Variants in AFP observed in about 807,000 individuals in gnomAD.
AFP encodes alpha-fetoprotein.
Under a neutral mutation model 78.9 loss-of-function variants are expected in AFP, and 64 were observed. The observed-to-expected ratio is 0.81, with a 90% CI of 0.66 to 1.00. The LOEUF is 1.00. Ranked by LOEUF, AFP falls within the 50% of genes least tolerant of loss-of-function variation. The pLI is 0.00. For missense variants in AFP, 689 were observed against 703.8 expected, an observed-to-expected ratio of 0.98 and a Z score of 0.24; for synonymous variants, 254 against 243.8, an observed-to-expected ratio of 1.04 and a Z score of -0.39.
chr4:73,449,827 C>G (rs1455121310), intron 9 of AFP, among the ~76,000 whole-genome samples: 4 of 152,096 alleles, frequency 2.6e-5, no homozygotes, highest in Admixed American at 2.6e-4. Flanking sequence ...TTGAGTTTTG[C>G]CATTAAATGA....
At chr4:73,452,170 A>G (rs1163714854) in intron 11 of AFP, among the ~76,000 whole-genome samples, 1 of 152,226 alleles carries the variant, frequency 6.6e-6, no homozygotes, top group Non-Finnish European at 1.5e-5. Context: ...ACTATCCTCA[A>G]CATCACATAT....
At chr4:73,441,227 A>AG (rs1318672834) in intron 4 of AFP, among the ~76,000 whole-genome samples, 1 of 152,146 alleles carries the variant, frequency 6.6e-6, no homozygotes, top group Non-Finnish European at 1.5e-5. Context: ...AGCATGGTCA[A>AG]GCATGGTCAA....
intron 6 of AFP, among the ~76,000 whole-genome samples, chr4:73,444,519 C>A (rs1719763495): frequency 1.3e-5 from 2 of 152,100 alleles, no homozygotes; most frequent in South Asian, 2.1e-4. Context: ...CACTGGTATG[C>A]CTGAAATGTT....
intron 2 of AFP, among the ~76,000 whole-genome samples, 175 bp downstream of exon 2, chr4:73,437,386 CTAA>C (rs1719538558): frequency 1.3e-5 from 2 of 152,024 alleles, no homozygotes; most frequent in South Asian, 4.1e-4. Flanking sequence ...AAACTGTTGA[CTAA>C]TGTCTTCGAC....
chr4:73,447,777 T>A, intron 8 of AFP, 101 bp downstream of exon 8: 2 of 994,850 alleles, frequency 2.0e-6, no homozygotes, highest in South Asian at 2.8e-5. Flanking sequence ...GGTTTTTGAG[T>A]TCAATATGTG....
chr4:73,455,396 A>G, intron 14 of AFP, 106 bp downstream of exon 14: 1 of 970,064 alleles, frequency 1.0e-6, no homozygotes, highest in South Asian at 1.4e-5. Flanking sequence ...TTAAAAATAC[A>G]TGGAATTCAA....
At position 73,447,497 on chromosome 4, in the gene AFP, C is replaced by T; in HGVS notation, c.879C>T (p.Asp293=). 6.2e-7 allele frequency: 1 copy of T among 1,611,874 alleles called. No individual in the cohort carries two copies. Among genetic ancestry groups the T allele is most frequent in the Non-Finnish European group, 8.5e-7 (1 of 1,179,116 alleles). ...TGTCCTACATATGTTCTCAACAAGA[C>T]ACTCTGTCAAACAAAATAACAGAAT... ...KIMSYICSQQ[D]TLSNKITECC... The change falls in exon 8 of 15, where the codon GAC becomes GAT. Residue 293 remains aspartate (D), a synonymous_variant. Coordinates refer to ENST00000395792, the MANE Select transcript of AFP (RefSeq NM_001134.3).
At chr4:73,445,891 G>A (rs1418481629) in intron 7 of AFP, among the ~76,000 whole-genome samples, 12 of 152,144 alleles carry the variant, frequency 7.9e-5, no homozygotes, top group Non-Finnish European at 1.5e-4. Flanking sequence ...GATTTTACAA[G>A]AGAGGACTGT....
At position 73,440,705 on chromosome 4, in the gene AFP, T is replaced by C. The variant is rs1324124401; in HGVS notation, c.374T>C (p.Phe125Ser). Residue 125 changes from phenylalanine to serine, a missense_variant, in exon 4 of 15, where the codon TTT (phenylalanine) becomes TCT (serine). By Grantham distance (155) the Phe-to-Ser change is radical (BLOSUM62 -2). Transcript: ENST00000395792. ...SQSEEGRHNC[F>S]LAHKKPTPAS... ...AGTGAAGAGGGAAGACATAACTGTT[T>C]TCTTGCACACAAAAAGCCCACTCCA... is the stretch of plus-strand genomic sequence containing the variant. 1.9e-6 allele frequency: 3 copies of C among 1,614,190 alleles called. No homozygotes were observed. Among genetic ancestry groups the C allele is most frequent in the Non-Finnish European group, 1.7e-6 (2 of 1,180,036 alleles).
intron 7 of AFP, among the ~76,000 whole-genome samples, chr4:73,446,364 CT>C (rs1393089700): frequency 6.6e-6 from 1 of 152,160 alleles, no homozygotes; most frequent in African/African-American, 2.4e-5. Context: ...CATAACCACC[CT>C]TTTCCTTTAA....
At position 73,450,016 on chromosome 4, in the gene AFP, T is replaced by G. The variant is rs746071242; in HGVS notation, c.1192-20T>G. 20 of 1,569,004 alleles carry G rather than the reference T, an allele frequency of 1.3e-5. 2 individuals carry two copies. In the South Asian group the frequency reaches 2.3e-4, roughly 18 times the overall value. The stretch of plus-strand genomic sequence containing the variant: ...ATCCAAGAAAAGAAAAATGTATATG[T>G]AATAATTCTTCATTTTCAGGAAGAA... On this transcript the variant is annotated intron_variant, in intron 9 of 14. Coordinates refer to ENST00000395792, the MANE Select transcript of AFP (RefSeq NM_001134.3).
intron 3 of AFP, among the ~76,000 whole-genome samples, 190 bp downstream of exon 3, chr4:73,438,496 C>G (rs986396377): frequency 2.0e-5 from 3 of 152,000 alleles, no homozygotes; most frequent in Non-Finnish European, 1.5e-5. Flanking sequence ...TATAAAGAGA[C>G]CATATAAATA....
Position 73,452,576 on chromosome 4 carries a change from A to G in AFP, c.1604A>G (p.Lys535Arg), listed in dbSNP as rs183385957. The change falls in exon 12 of 15, where the codon AAG becomes AGG. Residue 535 changes from lysine (K) to arginine (R), a missense_variant. By Grantham distance (26) the Lys-to-Arg change is conservative (BLOSUM62 2). Transcript: ENST00000395792. ...AFSDDKFIFHKDLCQAQGVAL... is the reference protein window; with the variant it reads ...AFSDDKFIFHRDLCQAQGVAL... ...TCTGATGACAAGTTCATTTTCCATA[A>G]GGATCTGTGCCAAGCTCAGGGTGTA... The G allele has an allele frequency of 5.4e-5, 87 of 1,614,044 alleles. No homozygotes were observed. Among genetic ancestry groups the G allele is most frequent in the Non-Finnish European group, 6.6e-5 (78 of 1,179,948 alleles).
intron 12 of AFP, 102 bp from the exon 13 acceptor site, chr4:73,453,663 G>C: frequency 7.3e-7 from 1 of 1,364,712 alleles, no homozygotes; most frequent in East Asian, 2.5e-5. Flanking sequence ...TAGGTTGATG[G>C]AGTAAGGGTT....
chr4:73,455,133 A>T, intron 13 of AFP, 103 bp from the exon 14 acceptor site: 1 of 922,482 alleles, frequency 1.1e-6, no homozygotes, highest in Non-Finnish European at 1.8e-6. Context: ...TAACTTAGTT[A>T]ATCTACAAAC....
Position 73,442,332 on chromosome 4 carries a change from G to A in AFP, c.519G>A (p.Leu173=), listed in dbSNP as rs763082918. The change falls in exon 5 of 15, where the codon CTG becomes CTA. Residue 173 remains leucine, a synonymous_variant. Coordinates refer to ENST00000395792, the MANE Select transcript of AFP (RefSeq NM_001134.3). ...AGATAGCAAGAAGGCATCCCTTCCT[G>A]TATGCACCTACAATTCTTCTTTGGG... ...IYEIARRHPF[L]YAPTILLWAA... 1.2e-6 allele frequency: 2 copies of A among 1,613,878 alleles called. No individual in the cohort carries two copies. Among genetic ancestry groups the A allele is most frequent in the Non-Finnish European group, 1.7e-6 (2 of 1,179,886 alleles).
At chr4:73,448,181 T>A (rs1719889271) in intron 8 of AFP, among the ~76,000 whole-genome samples, 1 of 152,178 alleles carries the variant, frequency 6.6e-6, no homozygotes, top group African/African-American at 2.4e-5. Flanking sequence ...TTTTGTATTT[T>A]TTAAGAAAAT....
intron 8 of AFP, among the ~76,000 whole-genome samples, chr4:73,447,995 A>G (rs1209808816): frequency 6.6e-6 from 1 of 152,146 alleles, no homozygotes; most frequent in Non-Finnish European, 1.5e-5. Flanking sequence ...CAAGGCCACC[A>G]TTGAACTCTC....
intron 13 of AFP, among the ~76,000 whole-genome samples, chr4:73,454,597 G>C (rs1720106257): frequency 6.6e-6 from 1 of 151,928 alleles, no homozygotes; most frequent in Non-Finnish European, 1.5e-5. Context: ...ACATATATTT[G>C]AATATAGCAA....
Sources: gnomAD v4.1 joint callset for allele counts (sites outside exome capture counted in the v4.1 genomes callset) on GRCh38, gnomAD v4.1.1 for gene constraint, MANE v1.5 for transcripts, NCBI Gene and HGNC (gene_info 2026-07-23, HGNC 2026-07-21) for gene names.